Variants in FRMD4B observed in about 807,000 individuals in gnomAD.
FRMD4B encodes FERM domain-containing protein 4B.
FRMD4B carries 74 observed loss-of-function variants against 141.5 expected under a neutral mutation model. The ratio of observed to expected loss-of-function variants is 0.52; its 90% CI spans 0.43 to 0.63. FRMD4B has a LOEUF of 0.63. FRMD4B is among the 30% of genes least tolerant of loss of function. FRMD4B has a pLI of 0.00. For missense variants in FRMD4B, 1,366 were observed against 1,253.4 expected, an observed-to-expected ratio of 1.09 and a Z score of -1.36; for synonymous variants, 506 against 467.9, an observed-to-expected ratio of 1.08 and a Z score of -1.05.
At chr3:69,529,452 G>A (rs2107151365) in intron 1 of FRMD4B, among the ~76,000 whole-genome samples, 1 of 152,156 alleles carries the variant, frequency 6.6e-6, no homozygotes, top group East Asian at 1.9e-4. Context: ...TTGACTCAGG[G>A]GATGCTGCAA....
chr3:69,382,733 T>G (rs1208634854), intron 1 of FRMD4B, among the ~76,000 whole-genome samples: 1 of 151,658 alleles, frequency 6.6e-6, no homozygotes, highest in African/African-American at 2.4e-5. Context: ...GGGACTTTTT[T>G]TTTTTTTTTT....
intron 1 of FRMD4B, among the ~76,000 whole-genome samples, chr3:69,329,516 AT>A (rs10554375): frequency 3.8e-3 from 211 of 55,546 alleles, no homozygotes; most frequent in African/African-American, 0.011. Flanking sequence ...TGCCCAGCTA[AT>A]TTTTTTTTTT....
At chr3:69,377,964 C>A (rs1207467268) in intron 1 of FRMD4B, among the ~76,000 whole-genome samples, 3 of 140,980 alleles carry the variant, frequency 2.1e-5, no homozygotes, top group African/African-American at 8.0e-5. Context: ...GTGTGTGCCA[C>A]CACACTTGGC....
chr3:69,203,546 G>A (rs2092993635), intron 11 of FRMD4B, among the ~76,000 whole-genome samples: 1 of 151,762 alleles, frequency 6.6e-6, no homozygotes, highest in African/African-American at 2.4e-5. Context: ...CCATTGTGGG[G>A]CTCACAAGAG....
intron 2 of FRMD4B, among the ~76,000 whole-genome samples, chr3:69,423,344 T>C (rs1244077812): frequency 6.8e-6 from 1 of 147,238 alleles, no homozygotes; most frequent in East Asian, 2.0e-4. Flanking sequence ...AATCATTCTC[T>C]GACTTGTGGG....
intron 1 of FRMD4B, among the ~76,000 whole-genome samples, chr3:69,507,364 T>C (rs1257551426): frequency 6.6e-6 from 1 of 152,148 alleles, no homozygotes; most frequent in Non-Finnish European, 1.5e-5. Flanking sequence ...CATGCACGTA[T>C]GTATGTGTGT....
At chr3:69,443,156 C>T (rs1179130620) in intron 1 of FRMD4B, among the ~76,000 whole-genome samples, 1 of 152,138 alleles carries the variant, frequency 6.6e-6, no homozygotes. Context: ...ACCCCCTGAC[C>T]CCCAGGGAGG....
At chr3:69,490,840 C>G (rs9310161) in intron 1 of FRMD4B, among the ~76,000 whole-genome samples, 1 of 151,932 alleles carries the variant, frequency 6.6e-6, no homozygotes, top group South Asian at 2.1e-4. Context: ...ATGAAGCACA[C>G]GATAAGGTTG....
intron 1 of FRMD4B, among the ~76,000 whole-genome samples, chr3:69,373,746 G>A (rs35244668): frequency 0.6 from 90,823 of 151,828 alleles, 27,922 homozygotes; most frequent in East Asian, 0.66. Flanking sequence ...GTGGTGGCGC[G>A]CCTGGAGTCT....
chr3:69,318,959 T>G (rs570589506), intron 1 of FRMD4B, among the ~76,000 whole-genome samples: 1 of 152,156 alleles, frequency 6.6e-6, no homozygotes, highest in Non-Finnish European at 1.5e-5. Flanking sequence ...CTGGGAGGTG[T>G]GATGAGTTCT....
Position 69,168,802 on chromosome 3 carries a change from T to C in FRMD4B, c.*3059A>G, listed in dbSNP as rs764452772. On this transcript the variant is annotated 3_prime_UTR_variant, in exon 23 of 23. Transcript: ENST00000398540. ...AATAGTTTAAAACAATTCCGGAATC[T>C]TTATTTCTTGTAATATTTAAGCTTT... 3.9e-5 allele frequency among the ~76,000 whole-genome samples: 6 copies of C among 152,202 alleles called. No homozygotes were observed. Among genetic ancestry groups the C allele is most frequent in the Non-Finnish European group, 7.4e-5 (5 of 68,026 alleles).
chr3:69,276,822 G>A lies in FRMD4B; in HGVS notation c.501+10930C>T, dbSNP rs562347901. 2.0e-3 allele frequency among the ~76,000 whole-genome samples: 310 copies of A among 152,232 alleles called. 2 individuals are homozygous for A. The highest frequency in any genetic ancestry group is 7.1e-3 in the African/African-American group (295 of 41,550). On this transcript the variant is annotated intron_variant, in intron 5 of 22. Transcript: ENST00000398540. ...TCTACTAAAAATACAAAAATTAGCC[G>A]GGCATGGCGGCACGTGCCTGTAGTC...
At chr3:69,255,320 A>G (rs1347691338) in intron 5 of FRMD4B, among the ~76,000 whole-genome samples, 1 of 152,208 alleles carries the variant, frequency 6.6e-6, no homozygotes, top group African/African-American at 2.4e-5. Flanking sequence ...GGCTTGGCAG[A>G]CATACTAACA....
intron 1 of FRMD4B, among the ~76,000 whole-genome samples, chr3:69,456,873 C>A (rs2106909243): frequency 6.6e-6 from 1 of 152,234 alleles, no homozygotes; most frequent in Middle Eastern, 3.4e-3. Flanking sequence ...TTGTCTATGG[C>A]TGCTTTCATA....
rs368973948 is a variant in FRMD4B, at chr3:69,362,816, C to T, written c.162+23012G>A. On this transcript the variant is annotated intron_variant, in intron 1 of 22. Transcript: ENST00000398540. Reference sequence around the variant, plus strand: ...TTTAAACAATTTCTTTCTATTCCTGCCCATCTTATTCTGAACTTAAACATT... The same window carrying T: ...TTTAAACAATTTCTTTCTATTCCTGTCCATCTTATTCTGAACTTAAACATT... Among the ~76,000 whole-genome samples the T allele has an allele frequency of 3.6e-4, 55 of 152,022 alleles. 2 individuals carry two copies. In the East Asian group the frequency reaches 7.3e-3, roughly 20 times the overall value.
At chr3:69,221,415 G>A (rs1437121157) in intron 9 of FRMD4B, among the ~76,000 whole-genome samples, 1 of 152,052 alleles carries the variant, frequency 6.6e-6, no homozygotes, top group East Asian at 1.9e-4. Flanking sequence ...GACAAAACAT[G>A]GCTTCTAGAT....
intron 11 of FRMD4B, among the ~76,000 whole-genome samples, chr3:69,204,056 C>A (rs72930255): frequency 0.11 from 16,967 of 152,050 alleles, 1,173 homozygotes; most frequent in East Asian, 0.35. Flanking sequence ...GAAATTTGCT[C>A]ACCGTTTCTG....
intron 2 of FRMD4B, among the ~76,000 whole-genome samples, chr3:69,393,411 G>A (rs1704420656): frequency 6.6e-6 from 1 of 151,474 alleles, no homozygotes. Context: ...AGCAGACATT[G>A]GAAATTCCTG....
At chr3:69,406,543 G>A (rs1054454930) in intron 2 of FRMD4B, among the ~76,000 whole-genome samples, 1 of 151,432 alleles carries the variant, frequency 6.6e-6, no homozygotes, top group African/African-American at 2.5e-5. Context: ...CCAACTTCTG[G>A]GGAAACAAGT....
Sources: allele counts gnomAD v4.1 joint callset (sites outside exome capture counted in the v4.1 genomes callset), GRCh38; gene constraint gnomAD v4.1.1; transcripts MANE v1.5; gene names NCBI Gene and HGNC (gene_info 2026-07-23, HGNC 2026-07-21).